The following MTMR4 variants were observed in gnomAD, a reference collection of about 807,000 sequenced individuals.
MTMR4 encodes the protein phosphatidylinositol-3,5-bisphosphate 3-phosphatase MTMR4.
Under a neutral mutation model 125.5 loss-of-function variants are expected in MTMR4, and 30 were observed. The ratio of observed to expected loss-of-function variants is 0.24; its 90% CI spans 0.18 to 0.32. The LOEUF is 0.32. Among genes scored for constraint, MTMR4 ranks in the 10% least tolerant of loss-of-function variants. The pLI is 1.00. For synonymous variants in MTMR4, 498 were observed against 564.5 expected, an observed-to-expected ratio of 0.88 and a Z score of 1.67; for missense variants, 1,039 against 1,511.5, an observed-to-expected ratio of 0.69 and a Z score of 5.18.
At position 58,490,081 on chromosome 17, in the gene MTMR4, A is replaced by G. The variant is rs1975279025; in HGVS notation, c.*1582T>C. On this transcript the variant is annotated 3_prime_UTR_variant, in exon 18 of 18. Transcript: ENST00000682306. ...TTACATCTATGGCAAGTACAAAAGA[A>G]CCACAGATGCGTCTCTGTAGGACTG... 1 of 152,640 alleles carries G rather than the reference A, an allele frequency of 6.6e-6. No individual in the cohort carries two copies. The highest frequency in any genetic ancestry group is 6.5e-5 in the Admixed American group (1 of 15,286). 9.5% of individuals were successfully genotyped at this position (152,640 alleles called of 1,614,324 possible).
At chr17:58,518,724 C>G (rs972284479), upstream of MTMR4, among the ~76,000 whole-genome samples, 2 of 152,188 alleles carry the variant, frequency 1.3e-5, no homozygotes, top group African/African-American at 4.8e-5. Flanking sequence ...CCTTTCCTTC[C>G]CGGGGACCCA....
chr17:58,503,354 A>G (rs1975689963), intron 14 of MTMR4, among the ~76,000 whole-genome samples: 1 of 152,104 alleles, frequency 6.6e-6, no homozygotes, highest in Non-Finnish European at 1.5e-5. Context: ...GCTTTTAAAT[A>G]CCTCAGAAAG....
At position 58,492,847 on chromosome 17, in the gene MTMR4, T is replaced by C. The variant is rs778260650; in HGVS notation, c.3358A>G (p.Thr1120Ala). The stretch of plus-strand genomic sequence containing the variant: ...ACATATGTGCCTAAACATACCTCAG[T>C]CTCTTTCTTATCAACAGGTTCCCAG... ...ASWEPVDKKE[T>A]EVTRWVPDHM... Residue 1120 changes from threonine (T) to alanine (A), a missense_variant, in exon 16 of 18, where the codon ACT (threonine) becomes GCT (alanine). Thr to Ala is a moderately conservative substitution (Grantham distance 58, BLOSUM62 0). This residue lies in a region of MTMR4 where 60 missense variants were observed against 129.6 expected (regional missense o/e 0.46). Transcript: ENST00000682306. 5 of 1,614,026 alleles carry C rather than the reference T, an allele frequency of 3.1e-6. No homozygotes were observed. The highest frequency in any genetic ancestry group is 4.2e-6 in the Non-Finnish European group (5 of 1,179,876).
upstream of MTMR4, chr17:58,516,459 T>C (rs1487841003): frequency 9.7e-7 from 1 of 1,029,520 alleles, no homozygotes; most frequent in South Asian, 1.3e-5. Flanking sequence ...CAGATGAACA[T>C]GTTTAGGAGC....
intron 1 of MTMR4, 103 bp downstream of exon 1, chr17:58,514,260 C>G (rs1976022211): frequency 1.0e-6 from 1 of 955,928 alleles, no homozygotes; most frequent in Non-Finnish European, 1.2e-6. Flanking sequence ...CGTTCGGGGC[C>G]GGGCCAGGGG....
At chr17:58,499,498 A>T (rs2143867054) in intron 14 of MTMR4, among the ~76,000 whole-genome samples, 1 of 152,242 alleles carries the variant, frequency 6.6e-6, no homozygotes, top group Middle Eastern at 3.4e-3. Context: ...TGAGAAGATC[A>T]TGTGACTGCA....
chr17:58,494,586 G>A (rs1324245349), intron 15 of MTMR4, among the ~76,000 whole-genome samples: 1 of 152,082 alleles, frequency 6.6e-6, no homozygotes, highest in African/African-American at 2.4e-5. Flanking sequence ...ATCTTTTTAA[G>A]CCATATCATT....
chr17:58,513,272 C>T lies in MTMR4; in HGVS notation c.46-331G>A, dbSNP rs766134683. ...AAAGAAAGACTCTTTCCCTTAGACC[C>T]GCATAAGGGTAAGGCAGGAGTGGGG... On this transcript the variant is annotated intron_variant, in intron 1 of 17. Coordinates refer to ENST00000682306, the MANE Select transcript of MTMR4 (RefSeq NM_001378067.1). Among the ~76,000 whole-genome samples the T allele has an allele frequency of 7.4e-4, 113 of 152,138 alleles. 1 individual carries two copies. Among genetic ancestry groups the T allele is most frequent in the Non-Finnish European group, 2.2e-4 (15 of 68,034 alleles).
chr17:58,494,696 C>A (rs1975405463), intron 15 of MTMR4, among the ~76,000 whole-genome samples: 1 of 152,200 alleles, frequency 6.6e-6, no homozygotes, highest in Non-Finnish European at 1.5e-5. Context: ...TCAAGCATTA[C>A]CTTCTCAAGA....
At position 58,504,285 on chromosome 17, in the gene MTMR4, A is replaced by C. The variant is rs763280103; in HGVS notation, c.1527+18T>G. 4 of 1,607,512 alleles carry C rather than the reference A, an allele frequency of 2.5e-6. No homozygotes were observed. Among genetic ancestry groups the C allele is most frequent in the Non-Finnish European group, 2.6e-6 (3 of 1,174,438 alleles). On this transcript the variant is annotated intron_variant, in intron 12 of 17. Coordinates refer to ENST00000682306, the MANE Select transcript of MTMR4 (RefSeq NM_001378067.1). The surrounding 1 kb of genome is among the most constrained non-coding windows in gnomAD (Gnocchi z 7.1). ...TGTCATTCCCCCCATCCCTGTTGTC[A>C]CAGGCCTTAGGACTTACCAGGAATG... is the stretch of plus-strand genomic sequence containing the variant.
intron 14 of MTMR4, among the ~76,000 whole-genome samples, chr17:58,499,372 C>T (rs1975558534): frequency 6.6e-6 from 1 of 151,942 alleles, no homozygotes; most frequent in Non-Finnish European, 1.5e-5. Flanking sequence ...CATGGCGAAA[C>T]CCCGTCTCTA....
rs773260905 is a variant in MTMR4, at chr17:58,495,730, C to T, written c.2454G>A (p.Lys818=). ...TGCTGAGGCTGTGATCAAGAACACA[C>T]TTGGAGGGCACACCTAGCATGGAGT... ...QPDSMLGVPS[K]CVLDHSLSTV... is the part of the protein sequence containing the mutation. The change falls in exon 15 of 18, where the codon AAG becomes AAA. Residue 818 remains lysine, a synonymous_variant. Transcript: ENST00000682306. 6.8e-6 allele frequency: 11 copies of T among 1,614,042 alleles called. No individual in the cohort carries two copies. The East Asian group carries it at 2.0e-4, about 29-fold the overall frequency.
At chr17:58,517,553 A>G (rs2042034625), upstream of MTMR4, among the ~76,000 whole-genome samples, 1 of 152,310 alleles carries the variant, frequency 6.6e-6, no homozygotes, top group South Asian at 2.1e-4. Flanking sequence ...GCCCCAGGGA[A>G]GGAAGGGAGG....
At chr17:58,492,412 G>T (rs181952986) in intron 17 of MTMR4, 99 bp downstream of exon 17, 6 of 994,134 alleles carry the variant, frequency 6.0e-6, no homozygotes, top group Non-Finnish European at 9.2e-6. Flanking sequence ...CTCATGATCC[G>T]CCTGCCTCGG....
At chr17:58,500,943 A>C (rs963174720) in intron 14 of MTMR4, among the ~76,000 whole-genome samples, 1 of 152,144 alleles carries the variant, frequency 6.6e-6, no homozygotes, top group African/African-American at 2.4e-5. Context: ...ATACTAAGTT[A>C]ATGAAATGAT....
upstream of MTMR4, among the ~76,000 whole-genome samples, chr17:58,518,319 C>A (rs2042049739): frequency 6.6e-6 from 1 of 152,192 alleles, no homozygotes; most frequent in East Asian, 1.9e-4. Flanking sequence ...GGAGGTACTT[C>A]TGAAACAGGT....
chr17:58,505,404 A>G, intron 10 of MTMR4, 68 bp downstream of exon 10: 1 of 1,359,000 alleles, frequency 7.4e-7, no homozygotes, highest in Non-Finnish European at 1.0e-6. Context: ...TCCCCATCTA[A>G]TCTTCCAAGA....
Position 58,489,843 on chromosome 17 carries a change from CAAGTT to C in MTMR4, c.*1815_*1819del, listed in dbSNP as rs1975272243. 6.6e-6 allele frequency: 1 copy of C among 152,504 alleles called. No homozygotes were observed. 9.4% of individuals were successfully genotyped at this position (152,504 alleles called of 1,614,324 possible). ...AGGCAGAGTGAAGTGCAATGAAAGA[CAAGTT>C]AATTAAAAAGCCACTCACAACTGGC... is the stretch of plus-strand genomic sequence containing the variant. On this transcript the variant is annotated 3_prime_UTR_variant, in exon 18 of 18. Transcript: ENST00000682306.
At position 58,494,958 on chromosome 17, in the gene MTMR4, G is replaced by T; in HGVS notation, c.3226C>A (p.Pro1076Thr). Residue 1076 changes from proline (P) to threonine (T), a missense_variant, in exon 15 of 18, where the codon CCC becomes ACC. Pro to Thr is a conservative substitution (Grantham distance 38, BLOSUM62 -1). Coordinates refer to ENST00000682306, the MANE Select transcript of MTMR4 (RefSeq NM_001378067.1). ...AAATCATCCTCATAGTCCATGGGGG[G>T]CTCTGCTGGAGGGGCACAGCAGTGA... ...IRHCCAPPAEPPMDYEDDFTC... is the reference protein window; with the variant it reads ...IRHCCAPPAETPMDYEDDFTC... The T allele has an allele frequency of 6.2e-7, 1 of 1,614,140 alleles. No individual in the cohort carries two copies. Among genetic ancestry groups the T allele is most frequent in the Non-Finnish European group, 8.5e-7 (1 of 1,179,976 alleles).
Sources: gnomAD v4.1 joint callset for allele counts (sites outside exome capture counted in the v4.1 genomes callset) on GRCh38, gnomAD v4.1.1 for gene constraint, gnomAD v4.1.1 regional missense constraint, Gnocchi (gnomAD v3.1) non-coding constraint, MANE v1.5 for transcripts, NCBI Gene and HGNC (gene_info 2026-07-23, HGNC 2026-07-21) for gene names.